Variants in DIAPH3 observed in about 807,000 individuals in gnomAD.
DIAPH3 encodes diaphanous related formin 3, also known as protein diaphanous homolog 3.
DIAPH3 carries 117 observed loss-of-function variants against 144.3 expected under a neutral mutation model. The observed-to-expected ratio is 0.81, with a 90% CI of 0.70 to 0.95. The LOEUF (loss-of-function observed/expected upper bound fraction) is 0.95. Among genes scored for constraint, DIAPH3 ranks in the 40% least tolerant of loss-of-function variants. DIAPH3 has a pLI of 0.00. For missense variants in DIAPH3, 1,421 were observed against 1,412.7 expected (o/e 1.01, Z -0.09); for synonymous variants, 519 against 488.9 (o/e 1.06, Z -0.81).
At chr13:59,670,478 A>T (rs1454908592) in intron 27 of DIAPH3, among the ~76,000 whole-genome samples, 2 of 152,128 alleles carry the variant, frequency 1.3e-5, no homozygotes, top group Non-Finnish European at 2.9e-5. Context: ...AGCAAGTCAG[A>T]TCTTAAACTG....
intron 20 of DIAPH3, among the ~76,000 whole-genome samples, chr13:59,907,542 C>G (rs1032017070): frequency 1.9e-4 from 29 of 152,146 alleles, no homozygotes; most frequent in Admixed American, 1.4e-3. Context: ...TAATTAAGCT[C>G]TAAGGCCTTG....
intron 24 of DIAPH3, among the ~76,000 whole-genome samples, chr13:59,825,876 T>C (rs1303009298): frequency 1.3e-5 from 2 of 152,094 alleles, no homozygotes; most frequent in Non-Finnish European, 2.9e-5. Context: ...GCTGGTTCAA[T>C]ATATGCAAAT....
chr13:59,693,570 C>G (rs961564309), intron 27 of DIAPH3, among the ~76,000 whole-genome samples: 2 of 152,146 alleles, frequency 1.3e-5, no homozygotes, highest in African/African-American at 4.8e-5. Flanking sequence ...TATTTGCAAT[C>G]TCACATGGAA....
intron 27 of DIAPH3, among the ~76,000 whole-genome samples, chr13:59,768,614 A>T (rs982832105): frequency 1.3e-5 from 2 of 152,126 alleles, no homozygotes; most frequent in Non-Finnish European, 2.9e-5. Flanking sequence ...TGAAGTTTTG[A>T]TATATCAACA....
At chr13:59,908,013 T>A (rs2046818112) in intron 20 of DIAPH3, among the ~76,000 whole-genome samples, 1 of 152,114 alleles carries the variant, frequency 6.6e-6, no homozygotes, top group South Asian at 2.1e-4. Flanking sequence ...CACAGTAAAT[T>A]TGTATACCAT....
chr13:60,072,688 C>G (rs573935877), intron 4 of DIAPH3, among the ~76,000 whole-genome samples: 1 of 152,022 alleles, frequency 6.6e-6, no homozygotes, highest in South Asian at 2.1e-4. Context: ...AGTTGAAACA[C>G]AATCCAGACA....
chr13:60,114,670 CACAA>C (rs1264197641), intron 2 of DIAPH3, among the ~76,000 whole-genome samples: 2 of 148,452 alleles, frequency 1.3e-5, no homozygotes, highest in African/African-American at 5.1e-5. Context: ...CACACACACA[CACAA>C]ACACACACAC....
chr13:60,083,624 T>C (rs954838425), intron 4 of DIAPH3, among the ~76,000 whole-genome samples: 4 of 151,968 alleles, frequency 2.6e-5, no homozygotes, highest in Non-Finnish European at 5.9e-5. Context: ...AAACAAGACA[T>C]AGAGATAATC....
At chr13:60,086,305 G>A (rs994469743) in intron 4 of DIAPH3, among the ~76,000 whole-genome samples, 2 of 152,124 alleles carry the variant, frequency 1.3e-5, no homozygotes, top group Non-Finnish European at 1.5e-5. Context: ...ATGAATTTTA[G>A]CTGTTGGAAG....
chr13:59,999,244 C>T (rs938631287), intron 9 of DIAPH3, among the ~76,000 whole-genome samples: 2 of 152,102 alleles, frequency 1.3e-5, no homozygotes, highest in Admixed American at 6.6e-5. Flanking sequence ...GATTATCCCT[C>T]ACTTAAGAAA....
chr13:59,977,565 GAA>G (rs971435083), intron 14 of DIAPH3, among the ~76,000 whole-genome samples: 3 of 151,820 alleles, frequency 2.0e-5, no homozygotes, highest in Admixed American at 2.0e-4. Context: ...AAGATGGGCT[GAA>G]AAAGACATAC....
At chr13:60,142,843 G>T (rs920983100) in intron 1 of DIAPH3, among the ~76,000 whole-genome samples, 1 of 151,684 alleles carries the variant, frequency 6.6e-6, no homozygotes, top group Non-Finnish European at 1.5e-5. Flanking sequence ...CTGCAGTCTC[G>T]AACTACTGAG....
At chr13:60,108,175 T>G (rs2058470454) in intron 3 of DIAPH3, among the ~76,000 whole-genome samples, 1 of 152,052 alleles carries the variant, frequency 6.6e-6, no homozygotes, top group African/African-American at 2.4e-5. Flanking sequence ...GGAAGACAGA[T>G]ATCTAAAAAG....
At chr13:59,920,476 A>G (rs2047453326) in intron 18 of DIAPH3, among the ~76,000 whole-genome samples, 1 of 151,826 alleles carries the variant, frequency 6.6e-6, no homozygotes. Flanking sequence ...AAAGTGATCA[A>G]TTCAGCAAAA....
intron 1 of DIAPH3, among the ~76,000 whole-genome samples, chr13:60,155,187 G>A (rs903918710): frequency 6.6e-6 from 1 of 152,156 alleles, no homozygotes; most frequent in Admixed American, 6.5e-5. Context: ...AGATAGACTA[G>A]ATGAGATGCA....
At chr13:59,747,652 C>T (rs1255282537) in intron 27 of DIAPH3, among the ~76,000 whole-genome samples, 1 of 151,764 alleles carries the variant, frequency 6.6e-6, no homozygotes, top group Non-Finnish European at 1.5e-5. Flanking sequence ...ACCTCATGAG[C>T]ACCCAGACAA....
At position 59,804,480 on chromosome 13, in the gene DIAPH3, C is replaced by T. The variant is rs181787836; in HGVS notation, c.3163+6308G>A. Among the ~76,000 whole-genome samples, 401 of 152,090 alleles carry T rather than the reference C, an allele frequency of 2.6e-3. 2 individuals are homozygous for T. The highest frequency in any genetic ancestry group is 6.8e-3 in the African/African-American group (284 of 41,470). The stretch of plus-strand genomic sequence containing the variant: ...TCATGTGCAAGTAAATTAAACTTTT[C>T]GACATATAAAATAGTCTCATGAGTT... On this transcript the variant is annotated intron_variant, in intron 25 of 27. Transcript: ENST00000400324.
intron 3 of DIAPH3, among the ~76,000 whole-genome samples, chr13:60,099,002 C>T (rs2058187332): frequency 6.6e-6 from 1 of 152,210 alleles, no homozygotes. Context: ...GGCTATTGGG[C>T]TGAATATATC....
intron 25 of DIAPH3, among the ~76,000 whole-genome samples, chr13:59,788,663 A>G (rs1364581190): frequency 1.3e-5 from 2 of 152,208 alleles, no homozygotes. Flanking sequence ...ACATCCATAT[A>G]CCAGAATATT....
Sources: gnomAD v4.1 joint callset for allele counts (sites outside exome capture counted in the v4.1 genomes callset) on GRCh38, gnomAD v4.1.1 for gene constraint, MANE v1.5 for transcripts, NCBI Gene and HGNC (gene_info 2026-07-23, HGNC 2026-07-21) for gene names.